XKR9: variants seen among roughly 807,000 people sequenced by gnomAD.
The protein encoded by XKR9 is XK-related protein 9.
In XKR9, 32 loss-of-function variants were observed where a neutral mutation model predicts 32.0. The ratio of observed to expected loss-of-function variants is 1.00; its 90% CI spans 0.76 to 1.34. The LOEUF (loss-of-function observed/expected upper bound fraction) is 1.34, where lower values mean the gene tolerates loss of function less well. Ranked by LOEUF, XKR9 falls within the 40% of genes most tolerant of loss-of-function variation. The pLI, the probability that XKR9 is intolerant of heterozygous loss-of-function variation, is 0.00. For synonymous variants in XKR9, 168 were observed against 143.4 expected (o/e 1.17, Z -1.22); for missense variants, 546 against 429.7 (o/e 1.27, Z -2.39).
chr8:70,828,500 C>T, the XKR9 span, among the ~76,000 whole-genome samples: 137 of 151,720 alleles, frequency 9.0e-4, no homozygotes, highest in African/African-American at 3.1e-3. Flanking sequence ...CCGAGGCGGG[C>T]GGATCACGAG....
At chr8:71,063,260 G>A in the XKR9 span, among the ~76,000 whole-genome samples, 1 of 152,278 alleles carries the variant, frequency 6.6e-6, no homozygotes, top group African/African-American at 2.4e-5. Flanking sequence ...GTACAAGTGT[G>A]TGAACAGATT....
At chr8:70,889,200 TA>T in the XKR9 span, among the ~76,000 whole-genome samples, 2 of 151,912 alleles carry the variant, frequency 1.3e-5, no homozygotes, top group East Asian at 1.9e-4. Context: ...TGGTTTATTT[TA>T]TTTTTTTTAG....
chr8:70,677,226 A>T (rs1232637515), intron 2 of XKR9, among the ~76,000 whole-genome samples: 2 of 145,592 alleles, frequency 1.4e-5, no homozygotes, highest in African/African-American at 2.4e-5. Flanking sequence ...GTTCACTGCA[A>T]CCCCCACTTC....
chr8:70,805,262 A>C, the XKR9 span, among the ~76,000 whole-genome samples: 2 of 152,148 alleles, frequency 1.3e-5, no homozygotes, highest in East Asian at 3.9e-4. Context: ...TTTTCCATGG[A>C]ACTGTGCAAC....
chr8:70,708,931 T>C (rs1317462795), intron 4 of XKR9, among the ~76,000 whole-genome samples: 1 of 152,044 alleles, frequency 6.6e-6, no homozygotes, highest in African/African-American at 2.4e-5. Flanking sequence ...GCAGGAATCT[T>C]CCCTAATTTA....
At chr8:70,974,627 T>A in the XKR9 span, among the ~76,000 whole-genome samples, 1 of 152,238 alleles carries the variant, frequency 6.6e-6, no homozygotes, top group African/African-American at 2.4e-5. Flanking sequence ...CACATTTTAA[T>A]CCAGTCTATA....
At chr8:70,701,923 T>C (rs547443256) in intron 3 of XKR9, among the ~76,000 whole-genome samples, 1 of 152,314 alleles carries the variant, frequency 6.6e-6, no homozygotes, top group African/African-American at 2.4e-5. Flanking sequence ...AGGAGAGTTT[T>C]CTTTTGATGG....
the XKR9 span, among the ~76,000 whole-genome samples, chr8:70,949,179 T>G: frequency 2.6e-5 from 4 of 152,206 alleles, no homozygotes; most frequent in Non-Finnish European, 5.9e-5. Flanking sequence ...ACCTGGTAGT[T>G]GTAAGGATTT....
chr8:70,826,693 G>A, the XKR9 span, among the ~76,000 whole-genome samples: 1 of 152,122 alleles, frequency 6.6e-6, no homozygotes, highest in Non-Finnish European at 1.5e-5. Context: ...TTCACTGTAA[G>A]TGTAATATCC....
At chr8:70,794,482 A>G (rs898794884), downstream of XKR9, among the ~76,000 whole-genome samples, 4 of 152,070 alleles carry the variant, frequency 2.6e-5, no homozygotes, top group Admixed American at 6.6e-5. Context: ...GATGTTAGCT[A>G]TAGGTTTTTC....
At chr8:70,967,786 G>A in the XKR9 span, among the ~76,000 whole-genome samples, 5 of 151,994 alleles carry the variant, frequency 3.3e-5, no homozygotes, top group Admixed American at 6.6e-5. Context: ...GGCTTGTAGG[G>A]TTTCTGCTTA....
At chr8:70,815,977 A>G in the XKR9 span, among the ~76,000 whole-genome samples, 1 of 152,176 alleles carries the variant, frequency 6.6e-6, no homozygotes, top group Non-Finnish European at 1.5e-5. Context: ...TCTTTATAAT[A>G]GAACAATTTA....
rs144800472 is a variant in XKR9 at position 70,778,324 on chromosome 8, G to A, written n.353-11015G>A. Among the ~76,000 whole-genome samples the A allele has an allele frequency of 2.3e-4, 35 of 152,292 alleles. No homozygotes were observed. The East Asian group carries it at 6.2e-3, about 27-fold the overall frequency. On this transcript the variant is annotated intron_variant and non_coding_transcript_variant, in intron 2 of 3. Transcript: ENST00000520273. Reference sequence around the variant, plus strand: ...GGTCTATATATCTGTTTTGGTACCAGTACCATGCTGTTTTGGTTACTGTAA... The same window carrying A: ...GGTCTATATATCTGTTTTGGTACCAATACCATGCTGTTTTGGTTACTGTAA...
the XKR9 span, among the ~76,000 whole-genome samples, chr8:71,037,181 T>C: frequency 6.6e-6 from 1 of 152,194 alleles, no homozygotes; most frequent in Admixed American, 6.5e-5. Flanking sequence ...TTCTTAACAA[T>C]TTTATATCTT....
intron 3 of XKR9, among the ~76,000 whole-genome samples, chr8:70,701,861 T>C (rs947641578): frequency 1.3e-5 from 2 of 152,156 alleles, no homozygotes; most frequent in African/African-American, 4.8e-5. Flanking sequence ...TAAATGACAG[T>C]TTTGCATTTC....
chr8:70,878,971 C>T, the XKR9 span, among the ~76,000 whole-genome samples: 1 of 152,168 alleles, frequency 6.6e-6, no homozygotes, highest in East Asian at 1.9e-4. Flanking sequence ...GACCACAGTA[C>T]AATCAAACTA....
chr8:70,812,254 C>A, the XKR9 span, among the ~76,000 whole-genome samples: 1,513 of 152,152 alleles, frequency 9.9e-3, 22 homozygotes, highest in African/African-American at 0.034. Flanking sequence ...CTTCATGGTA[C>A]AAACTCTGAT....
chr8:70,826,630 C>G, the XKR9 span, among the ~76,000 whole-genome samples: 1 of 152,138 alleles, frequency 6.6e-6, no homozygotes, highest in African/African-American at 2.4e-5. Flanking sequence ...TTCAGACTTT[C>G]CATTTCCCAT....
chr8:71,028,300 A>T, the XKR9 span, among the ~76,000 whole-genome samples: 1 of 152,176 alleles, frequency 6.6e-6, no homozygotes, highest in South Asian at 2.1e-4. Flanking sequence ...GTTTTTCCCT[A>T]AGTATTTTAT....
Sources: gnomAD v4.1 joint callset for allele counts (sites outside exome capture counted in the v4.1 genomes callset) on GRCh38, gnomAD v4.1.1 for gene constraint, MANE v1.5 for transcripts, NCBI Gene and HGNC (gene_info 2026-07-23, HGNC 2026-07-21) for gene names.